The following TNIP1 variants were observed in gnomAD, a reference collection of about 807,000 sequenced individuals.
TNIP1 encodes the protein TNFAIP3 interacting protein 1.
TNIP1 carries 22 observed loss-of-function variants against 86.6 expected under a neutral mutation model. The ratio of observed to expected loss-of-function variants is 0.25; its 90% CI spans 0.18 to 0.36. The LOEUF is 0.36. Ranked by LOEUF, TNIP1 falls within the 10% of genes least tolerant of loss-of-function variation. TNIP1 has a pLI of 1.00. For synonymous variants in TNIP1, 294 were observed against 313.0 expected, an observed-to-expected ratio of 0.94 and a Z score of 0.64; for missense variants, 709 against 820.6, an observed-to-expected ratio of 0.86 and a Z score of 1.66.
chr5:151,035,820 T>C, intron 13 of TNIP1, 113 bp from the exon 14 acceptor site: 1 of 1,415,766 alleles, frequency 7.1e-7, no homozygotes, highest in Non-Finnish European at 9.6e-7. Context: ...GAGCTGGGGG[T>C]CGCCATGGGG....
intron 4 of TNIP1, 130 bp from the exon 5 acceptor site, chr5:151,060,525 T>C (rs1761423874): frequency 1.3e-6 from 1 of 743,262 alleles, no homozygotes; most frequent in Non-Finnish European, 2.3e-6. Context: ...CCGTTACATA[T>C]CATCTCACAT....
chr5:151,049,694 G>A (rs550490018), intron 8 of TNIP1, 130 bp downstream of exon 8: 29 of 1,149,054 alleles, frequency 2.5e-5, no homozygotes, highest in African/African-American at 2.3e-4. Flanking sequence ...AAAAAAACAC[G>A]TAACAGCTAG....
In TNIP1 at chr5:151,031,982, T is replaced by C. The variant is rs1756959529; in HGVS notation, c.1876+305A>G. 6 of 271,134 alleles carry C rather than the reference T, an allele frequency of 2.2e-5. No homozygotes were observed. The South Asian group carries it at 2.5e-4, about 11-fold the overall frequency. 16.8% of individuals were successfully genotyped at this position (271,134 alleles called of 1,614,324 possible). ...AGCCTGTTTGTGTGGTGTTTGTTTATTCATTTCTGCCTCCCTCATTAGACA... is the reference window on the plus strand; with the variant it reads ...AGCCTGTTTGTGTGGTGTTTGTTTACTCATTTCTGCCTCCCTCATTAGACA... On this transcript the variant is annotated intron_variant, in intron 17 of 17. Transcript: ENST00000521591.
upstream of TNIP1, among the ~76,000 whole-genome samples, chr5:151,085,519 A>C (rs73799429): frequency 0.018 from 2,728 of 151,902 alleles, 89 homozygotes; most frequent in African/African-American, 0.063. Flanking sequence ...TATCCCAACT[A>C]TTTTCCCTGT....
chr5:151,084,612 G>A (rs967755915), upstream of TNIP1, among the ~76,000 whole-genome samples: 1 of 152,160 alleles, frequency 6.6e-6, no homozygotes, highest in Admixed American at 6.6e-5. Flanking sequence ...GCACAGTGCT[G>A]TTTCCACATA....
At chr5:151,047,191 C>A (rs768743018) in intron 8 of TNIP1, among the ~76,000 whole-genome samples, 32 of 152,354 alleles carry the variant, frequency 2.1e-4, no homozygotes, top group South Asian at 1.4e-3. Flanking sequence ...TACCCCTGGT[C>A]TGCTGGACTG....
intron 1 of TNIP1, among the ~76,000 whole-genome samples, chr5:151,068,006 G>A (rs1011455889): frequency 6.6e-5 from 10 of 152,188 alleles, no homozygotes; most frequent in South Asian, 2.1e-4. Flanking sequence ...TTCTCTTGGC[G>A]CTGGGGAGTC....
At chr5:151,083,723 C>T (rs935250537), upstream of TNIP1, among the ~76,000 whole-genome samples, 1 of 152,188 alleles carries the variant, frequency 6.6e-6, no homozygotes, top group East Asian at 1.9e-4. Flanking sequence ...CTCCACCACC[C>T]CTACTGAGGT....
In TNIP1 at chr5:151,039,062, G is replaced by A. The variant is rs748858624; in HGVS notation, c.1263+35C>T. 8.7e-6 allele frequency: 14 copies of A among 1,600,324 alleles called. No homozygotes were observed. The South Asian group carries it at 1.3e-4, about 15-fold the overall frequency. The stretch of plus-strand genomic sequence containing the variant: ...GTGGGCATTGCAGCTGGACTCAAGG[G>A]AGCCCAGCCAAGGGACCCGGGCCAA... On this transcript the variant is annotated intron_variant, in intron 12 of 17. Transcript: ENST00000521591.
Position 151,037,003 on chromosome 5 carries a change from C to A in TNIP1, c.1264-82G>T, listed in dbSNP as rs976146629. The A allele has an allele frequency of 4.1e-6, 6 of 1,479,720 alleles. No homozygotes were observed. The Admixed American group carries it at 1.0e-4, about 25-fold the overall frequency. The allele number at this position is 1,479,720 out of a possible 1,614,324, so 91.7% of individuals were successfully genotyped here. ...TGGAGGGGTCATCCTCAGGGAACTC[C>A]TTCCTAATAATAATCATACTAATAA... On this transcript the variant is annotated intron_variant, in intron 12 of 17. Coordinates refer to ENST00000521591, the MANE Select transcript of TNIP1 (RefSeq NM_006058.5).
upstream of TNIP1, among the ~76,000 whole-genome samples, chr5:151,085,575 G>A (rs74873816): frequency 6.7e-3 from 1,016 of 152,316 alleles, 16 homozygotes; most frequent in African/African-American, 0.023. Flanking sequence ...GGCACCACTG[G>A]AGGAGAGGAA....
At chr5:151,058,938 C>A (rs937964234) in intron 5 of TNIP1, among the ~76,000 whole-genome samples, 19 of 152,320 alleles carry the variant, frequency 1.2e-4, no homozygotes, top group Middle Eastern at 6.8e-3. Context: ...TCCCTGAACA[C>A]CTGTGTAATG....
intron 16 of TNIP1, among the ~76,000 whole-genome samples, chr5:151,033,197 G>A (rs1318956656): frequency 4.1e-5 from 6 of 145,626 alleles, no homozygotes; most frequent in Non-Finnish European, 9.1e-5. Flanking sequence ...GGAGGGGAGA[G>A]GAGCGGAGGG....
upstream of TNIP1, among the ~76,000 whole-genome samples, chr5:151,083,597 A>G (rs1406744416): frequency 6.6e-6 from 1 of 152,194 alleles, no homozygotes; most frequent in African/African-American, 2.4e-5. Context: ...AGTAATGACA[A>G]GCACTCGCAC....
chr5:151,052,695 C>G (rs945148451), intron 6 of TNIP1, among the ~76,000 whole-genome samples: 1 of 152,220 alleles, frequency 6.6e-6, no homozygotes, highest in African/African-American at 2.4e-5. Flanking sequence ...GCTCACAGCC[C>G]CCCGCTTTTA....
intron 11 of TNIP1, among the ~76,000 whole-genome samples, chr5:151,041,173 C>G (rs568623933): frequency 1.3e-5 from 2 of 151,752 alleles, no homozygotes; most frequent in South Asian, 4.2e-4. Context: ...CGGGTTCAAG[C>G]GATTCTCGTG....
At chr5:151,032,068 A>G in intron 17 of TNIP1, 1 of 567,432 alleles carries the variant, frequency 1.8e-6, no homozygotes, top group Non-Finnish European at 3.1e-6. Context: ...CATAGCACCT[A>G]GCACAATGCC....
At chr5:151,044,632 A>T (rs1758892839) in intron 9 of TNIP1, among the ~76,000 whole-genome samples, 1 of 152,168 alleles carries the variant, frequency 6.6e-6, no homozygotes, top group Non-Finnish European at 1.5e-5. Flanking sequence ...CGGGAGGACA[A>T]GGGGAGGCAG....
chr5:151,074,770 G>A (rs140103606), intron 1 of TNIP1, among the ~76,000 whole-genome samples: 23 of 152,316 alleles, frequency 1.5e-4, no homozygotes, highest in Non-Finnish European at 3.2e-4. Flanking sequence ...AAAAGAATGA[G>A]CCACAGCTGG....
Sources: allele counts gnomAD v4.1 joint callset (sites outside exome capture counted in the v4.1 genomes callset), GRCh38; gene constraint gnomAD v4.1.1; transcripts MANE v1.5; gene names NCBI Gene and HGNC (gene_info 2026-07-23, HGNC 2026-07-21).